The following GABBR2 variants were observed in gnomAD, a reference collection of about 807,000 sequenced individuals.
GABBR2 encodes gamma-aminobutyric acid type B receptor subunit 2, also known as G-protein coupled receptor 51.
GABBR2 carries 23 observed loss-of-function variants against 105.6 expected under a neutral mutation model. The observed-to-expected ratio is 0.22, with a 90% CI of 0.16 to 0.31. The LOEUF is 0.31. Among genes scored for constraint, GABBR2 ranks in the 10% least tolerant of loss-of-function variants. The pLI is 1.00. For synonymous variants in GABBR2, 478 were observed against 499.7 expected (o/e 0.96, Z 0.58); for missense variants, 734 against 1,245.5 (o/e 0.59, Z 6.18).
intron 7 of GABBR2, among the ~76,000 whole-genome samples, chr9:98,418,696 C>T (rs932259384): frequency 6.6e-6 from 1 of 152,224 alleles, no homozygotes; most frequent in Non-Finnish European, 1.5e-5. Flanking sequence ...GGAAGAATGG[C>T]TCCCAGCTTT....
At position 98,436,302 on chromosome 9, in the gene GABBR2, TACCC is replaced by T. The variant is rs1320714286; in HGVS notation, c.1236+17675_1236+17678del. On this transcript the variant is annotated intron_variant, in intron 7 of 18. Transcript: ENST00000259455. The stretch of plus-strand genomic sequence containing the variant: ...AACCATATATATATATATATATATA[TACCC>T]ATAAATATACCATATATATATATAT... Among the ~76,000 whole-genome samples, 123 of 93,862 alleles carry T rather than the reference TACCC, an allele frequency of 1.3e-3. 5 individuals carry two copies. The highest frequency in any genetic ancestry group is 2.2e-3 in the East Asian group (4 of 1,832). 61.6% of individuals were successfully genotyped at this position (93,862 alleles called of 152,430 possible).
intron 6 of GABBR2, among the ~76,000 whole-genome samples, chr9:98,458,162 C>T (rs1826359079): frequency 6.6e-6 from 1 of 152,206 alleles, no homozygotes; most frequent in Non-Finnish European, 1.5e-5. Context: ...GTCATCCCAA[C>T]AGAAATGAGC....
At chr9:98,635,989 A>C (rs1829870857) in intron 1 of GABBR2, among the ~76,000 whole-genome samples, 1 of 152,130 alleles carries the variant, frequency 6.6e-6, no homozygotes, top group African/African-American at 2.4e-5. Flanking sequence ...TCCATGCATC[A>C]AAGTGGAGCC....
intron 2 of GABBR2, among the ~76,000 whole-genome samples, chr9:98,553,058 T>G (rs1828519993): frequency 6.6e-6 from 1 of 151,874 alleles, no homozygotes; most frequent in Admixed American, 6.6e-5. Flanking sequence ...TTATTTTTTA[T>G]ATTTAGTAGA....
At chr9:98,699,869 GAGA>G (rs1290104874) in intron 1 of GABBR2, among the ~76,000 whole-genome samples, 26 of 152,316 alleles carry the variant, frequency 1.7e-4, no homozygotes, top group South Asian at 8.3e-4. Context: ...CATAACGCTA[GAGA>G]AGAAGAAGAA....
chr9:98,318,893 G>T (rs1830768675), intron 13 of GABBR2, among the ~76,000 whole-genome samples: 2 of 130,452 alleles, frequency 1.5e-5, no homozygotes, highest in South Asian at 5.4e-4. Context: ...ATGTGAGTTT[G>T]TGTGTGTGTG....
chr9:98,643,704 C>T (rs61502094), intron 1 of GABBR2, among the ~76,000 whole-genome samples: 28,899 of 152,232 alleles, frequency 0.19, 3,520 homozygotes, highest in African/African-American at 0.35. Flanking sequence ...CAACTGTATC[C>T]CTGTGGCCAC....
chr9:98,598,881 C>T (rs1019731671), intron 1 of GABBR2, among the ~76,000 whole-genome samples: 3 of 151,708 alleles, frequency 2.0e-5, no homozygotes, highest in African/African-American at 4.8e-5. Flanking sequence ...CATCACAGTA[C>T]ACCACATGTC....
intron 3 of GABBR2, among the ~76,000 whole-genome samples, chr9:98,507,409 G>T (rs1244099874): frequency 6.6e-6 from 1 of 152,088 alleles, no homozygotes; most frequent in African/African-American, 2.4e-5. Context: ...GGAGGAAGAG[G>T]CCAGGAACCA....
At chr9:98,545,870 T>G (rs1828388634) in intron 2 of GABBR2, among the ~76,000 whole-genome samples, 1 of 152,172 alleles carries the variant, frequency 6.6e-6, no homozygotes, top group African/African-American at 2.4e-5. Flanking sequence ...TCACCCAGCA[T>G]CTGGCATCAC....
chr9:98,519,801 C>T (rs951062295), intron 3 of GABBR2, among the ~76,000 whole-genome samples: 1 of 151,518 alleles, frequency 6.6e-6, no homozygotes, highest in African/African-American at 2.4e-5. Context: ...GTTGCAAATG[C>T]AGCCATACAC....
chr9:98,478,811 A>G (rs1826849849), intron 5 of GABBR2, among the ~76,000 whole-genome samples: 2 of 152,206 alleles, frequency 1.3e-5, no homozygotes, highest in Non-Finnish European at 2.9e-5. Flanking sequence ...GGAGGTGGCC[A>G]GGGTCTGGTG....
At chr9:98,539,957 G>C (rs1481213115) in intron 3 of GABBR2, among the ~76,000 whole-genome samples, 5 of 150,462 alleles carry the variant, frequency 3.3e-5, no homozygotes, top group African/African-American at 1.2e-4. Context: ...AAAGGAAAAA[G>C]CAAGTCTCTC....
At chr9:98,350,157 G>A (rs529754842) in intron 13 of GABBR2, among the ~76,000 whole-genome samples, 44 of 133,322 alleles carry the variant, frequency 3.3e-4, no homozygotes, top group African/African-American at 1.2e-3. Context: ...CTAGCTAGTG[G>A]TTTATTGATT....
At chr9:98,675,612 G>A (rs1047320981) in intron 1 of GABBR2, among the ~76,000 whole-genome samples, 2 of 152,178 alleles carry the variant, frequency 1.3e-5, no homozygotes, top group African/African-American at 2.4e-5. Context: ...TGTCTATTCT[G>A]AAGGTGGGAG....
intron 1 of GABBR2, among the ~76,000 whole-genome samples, chr9:98,675,982 C>T (rs1666107351): frequency 6.6e-6 from 1 of 152,196 alleles, no homozygotes; most frequent in African/African-American, 2.4e-5. Flanking sequence ...AAAGCACACC[C>T]CCCCAAATAT....
At chr9:98,320,966 C>G (rs1028539909) in intron 13 of GABBR2, among the ~76,000 whole-genome samples, 1 of 151,570 alleles carries the variant, frequency 6.6e-6, no homozygotes, top group Non-Finnish European at 1.5e-5. Context: ...TACCCTAAAA[C>G]TTAAAGTATA....
chr9:98,537,448 AAC>A (rs1382323781), intron 3 of GABBR2, among the ~76,000 whole-genome samples: 1 of 151,894 alleles, frequency 6.6e-6, no homozygotes, highest in Non-Finnish European at 1.5e-5. Flanking sequence ...TGGTTGCACA[AAC>A]ACATACTTTT....
At chr9:98,664,613 G>T (rs943038090) in intron 1 of GABBR2, among the ~76,000 whole-genome samples, 1 of 152,168 alleles carries the variant, frequency 6.6e-6, no homozygotes, top group Non-Finnish European at 1.5e-5. Context: ...AGTCTGAAGG[G>T]CCTCTGGACA....
Sources: gnomAD v4.1 joint callset for allele counts (sites outside exome capture counted in the v4.1 genomes callset) on GRCh38, gnomAD v4.1.1 for gene constraint, MANE v1.5 for transcripts, NCBI Gene and HGNC (gene_info 2026-07-23, HGNC 2026-07-21) for gene names.